Variants in PTPRT observed in about 807,000 individuals in gnomAD.
The protein encoded by PTPRT is receptor-type tyrosine-protein phosphatase T.
Under a neutral mutation model 176.8 loss-of-function variants are expected in PTPRT, and 56 were observed. The observed-to-expected ratio is 0.32, with a 90% CI of 0.26 to 0.40. PTPRT has a LOEUF of 0.40. PTPRT is among the 10% of genes least tolerant of loss of function. The probability of loss-of-function intolerance (pLI) is 1.00; values close to 1 mark genes in which losing one functional copy is unlikely to be tolerated. For synonymous variants in PTPRT, 783 were observed against 739.0 expected (o/e 1.06, Z -0.96); for missense variants, 1,540 against 1,908.2 (o/e 0.81, Z 3.60).
intron 7 of PTPRT, among the ~76,000 whole-genome samples, chr20:42,547,367 C>G (rs957541366): frequency 6.6e-6 from 1 of 151,590 alleles, no homozygotes; most frequent in Non-Finnish European, 1.5e-5. Flanking sequence ...CATAAACTTT[C>G]TATATGTATA....
intron 2 of PTPRT, among the ~76,000 whole-genome samples, chr20:42,844,821 G>A (rs932001452): frequency 6.6e-6 from 1 of 152,192 alleles, no homozygotes; most frequent in Non-Finnish European, 1.5e-5. Flanking sequence ...GCTAGGAGAT[G>A]GGCGTACGGG....
At chr20:43,026,516 T>A (rs892031432) in intron 1 of PTPRT, among the ~76,000 whole-genome samples, 5 of 152,206 alleles carry the variant, frequency 3.3e-5, no homozygotes, top group African/African-American at 1.2e-4. Context: ...ATGCAATGCA[T>A]AACAATGATA....
chr20:42,352,229 C>T lies in PTPRT; in HGVS notation c.1617G>A (p.Arg539=), dbSNP rs772074538. 4 of 1,614,156 alleles carry T rather than the reference C, an allele frequency of 2.5e-6. No individual in the cohort carries two copies. The highest frequency in any genetic ancestry group is 3.4e-6 in the Non-Finnish European group (4 of 1,180,028). The part of the protein sequence containing the change: ...LDPSADLSSQ[R]GKVFKLRNET... ...CATTCCGGAGCTTGAACACTTTCCC[C>T]CTCTGGCTCGAGAGGTCAGCACTTG... The change falls in exon 10 of 31, where the codon AGG becomes AGA. Residue 539 remains arginine (R), a synonymous_variant. Transcript: ENST00000373187.
chr20:42,944,423 C>A (rs533805689), intron 1 of PTPRT, among the ~76,000 whole-genome samples: 1 of 152,216 alleles, frequency 6.6e-6, no homozygotes, highest in East Asian at 1.9e-4. Context: ...CACACCAGTG[C>A]CTGCACTGGC....
At chr20:43,026,546 T>C (rs1265583413) in intron 1 of PTPRT, among the ~76,000 whole-genome samples, 1 of 152,206 alleles carries the variant, frequency 6.6e-6, no homozygotes, top group Non-Finnish European at 1.5e-5. Context: ...ATAATCATAA[T>C]CTTAAGTGGG....
chr20:42,104,958 G>A (rs1986292448), intron 24 of PTPRT, among the ~76,000 whole-genome samples: 1 of 152,198 alleles, frequency 6.6e-6, no homozygotes. Context: ...GATAAAATGA[G>A]AAACTTCTAG....
intron 9 of PTPRT, among the ~76,000 whole-genome samples, chr20:42,412,441 T>A (rs2059027259): frequency 6.6e-6 from 1 of 152,200 alleles, no homozygotes; most frequent in Non-Finnish European, 1.5e-5. Context: ...GGCTATGAAA[T>A]GACTGGGACT....
At chr20:42,752,287 C>A (rs1430977871) in intron 6 of PTPRT, among the ~76,000 whole-genome samples, 1 of 152,216 alleles carries the variant, frequency 6.6e-6, no homozygotes, top group Non-Finnish European at 1.5e-5. Flanking sequence ...CTATGCAGGG[C>A]ACTGTTCTAA....
chr20:42,289,255 A>G (rs2057280946), intron 12 of PTPRT, among the ~76,000 whole-genome samples: 1 of 152,124 alleles, frequency 6.6e-6, no homozygotes, highest in African/African-American at 2.4e-5. Context: ...CAAATGCAAC[A>G]CAAACGAAAA....
chr20:43,186,203 G>A (rs1201711626), intron 1 of PTPRT, among the ~76,000 whole-genome samples: 3 of 152,214 alleles, frequency 2.0e-5, no homozygotes, highest in Non-Finnish European at 2.9e-5. Flanking sequence ...AAGCTGGGGA[G>A]CTGAGAAGGT....
In PTPRT at chr20:43,147,511, T is replaced by A. The variant is rs538767295; in HGVS notation, c.88+42135A>T. ...GATGGAAGCCCCTGTGCCCAGAGCC[T>A]GGTGCTCCATAAATGTTTGCTGAGC... On this transcript the variant is annotated intron_variant, in intron 1 of 30. Coordinates refer to ENST00000373187, the MANE Select transcript of PTPRT (RefSeq NM_007050.6). Among the ~76,000 whole-genome samples the A allele has an allele frequency of 3.1e-4, 47 of 152,324 alleles. No individual in the cohort carries two copies. In the Middle Eastern group the frequency reaches 0.01, roughly 33 times the overall value.
At chr20:42,990,666 T>C (rs1983858019) in intron 1 of PTPRT, among the ~76,000 whole-genome samples, 1 of 152,240 alleles carries the variant, frequency 6.6e-6, no homozygotes, top group African/African-American at 2.4e-5. Flanking sequence ...ACCTCAATTA[T>C]ATTTTTAAAC....
intron 2 of PTPRT, among the ~76,000 whole-genome samples, chr20:42,816,495 T>A (rs1394265733): frequency 6.6e-6 from 1 of 152,128 alleles, no homozygotes; most frequent in East Asian, 1.9e-4. Flanking sequence ...TGAATTGCAA[T>A]CCCTACATGT....
chr20:42,341,035 G>C (rs1282622095), intron 11 of PTPRT, among the ~76,000 whole-genome samples: 1 of 151,690 alleles, frequency 6.6e-6, no homozygotes, highest in East Asian at 1.9e-4. Context: ...CCTTCACCTT[G>C]AATCTATTAC....
At chr20:42,164,176 T>G (rs1989728151) in intron 16 of PTPRT, among the ~76,000 whole-genome samples, 1 of 152,320 alleles carries the variant, frequency 6.6e-6, no homozygotes, top group South Asian at 2.1e-4. Context: ...ACAGTTGTCT[T>G]CAGAGACCCA....
chr20:42,355,112 G>T (rs1443360846), intron 9 of PTPRT, among the ~76,000 whole-genome samples: 1 of 152,108 alleles, frequency 6.6e-6, no homozygotes, highest in Non-Finnish European at 1.5e-5. Context: ...TTCTCCATGG[G>T]TGCTTGCTGG....
At chr20:43,151,095 T>TC (rs2014335914) in intron 1 of PTPRT, among the ~76,000 whole-genome samples, 1 of 151,816 alleles carries the variant, frequency 6.6e-6, no homozygotes. Flanking sequence ...TCACCTGAGG[T>TC]CAGGAGTTCA....
intron 1 of PTPRT, among the ~76,000 whole-genome samples, chr20:42,926,985 C>CA (rs1172220230): frequency 6.6e-6 from 1 of 152,184 alleles, no homozygotes. Flanking sequence ...TGCTGGCACA[C>CA]ACACACTCAT....
intron 2 of PTPRT, among the ~76,000 whole-genome samples, chr20:42,795,165 A>C (rs73098070): frequency 0.3 from 44,652 of 150,120 alleles, 8,382 homozygotes; most frequent in Non-Finnish European, 0.42. Flanking sequence ...CTGTAAATAC[A>C]TTCTTTTCCC....
Sources: gnomAD v4.1 joint callset for allele counts (sites outside exome capture counted in the v4.1 genomes callset) on GRCh38, gnomAD v4.1.1 for gene constraint, MANE v1.5 for transcripts, NCBI Gene and HGNC (gene_info 2026-07-23, HGNC 2026-07-21) for gene names.